TOP1MT: variants seen among roughly 807,000 people sequenced by gnomAD.
TOP1MT encodes DNA topoisomerase I, mitochondrial.
Under a neutral mutation model 73.9 loss-of-function variants are expected in TOP1MT, and 80 were observed. The observed-to-expected ratio is 1.08, with a 90% CI of 0.90 to 1.30. The LOEUF (loss-of-function observed/expected upper bound fraction) is 1.30. Ranked by LOEUF, TOP1MT falls within the 50% of genes most tolerant of loss-of-function variation. The pLI, the probability that TOP1MT is intolerant of heterozygous loss-of-function variation, is 0.00. For synonymous variants in TOP1MT, 338 were observed against 326.4 expected, an observed-to-expected ratio of 1.04 and a Z score of -0.38; for missense variants, 815 against 808.0, an observed-to-expected ratio of 1.01 and a Z score of -0.10.
At chr8:143,322,661 C>CACAG (rs1816503565) in intron 7 of TOP1MT, among the ~76,000 whole-genome samples, 1 of 125,254 alleles carries the variant, frequency 8.0e-6, no homozygotes, top group Non-Finnish European at 1.6e-5. Context: ...ACACCACACA[C>CACAG]GCACGCCACA....
upstream of TOP1MT, among the ~76,000 whole-genome samples, chr8:143,347,435 A>G (rs2450746): frequency 0.079 from 12,097 of 152,206 alleles, 1,628 homozygotes; most frequent in African/African-American, 0.27. Context: ...GATTACAGGC[A>G]TGAGCCACCG....
intron 12 of TOP1MT, chr8:143,310,642 T>C (rs111651620): frequency 1.2e-3 from 192 of 158,112 alleles, no homozygotes; most frequent in African/African-American, 4.4e-3. Context: ...CTTTCCACAT[T>C]ACTTGCACCC....
chr8:143,317,996 G>A, intron 9 of TOP1MT, 22 bp downstream of exon 9: 1 of 1,614,008 alleles, frequency 6.2e-7, no homozygotes, highest in Non-Finnish European at 8.5e-7. Context: ...GCCCACTGCT[G>A]AGGAAACACG....
intron 7 of TOP1MT, among the ~76,000 whole-genome samples, chr8:143,322,969 ACACGCACG>A (rs1163618480): frequency 1.0e-4 from 8 of 77,274 alleles, no homozygotes; most frequent in African/African-American, 3.4e-4. Flanking sequence ...CGCACGCCAC[ACACGCACG>A]CACGCCACAC....
At chr8:143,333,712 C>T (rs1816919248) in intron 1 of TOP1MT, 1 of 152,448 alleles carries the variant, frequency 6.6e-6, no homozygotes, top group Non-Finnish European at 1.5e-5. Context: ...CACAAGCTGG[C>T]TTTCAAAGCC....
upstream of TOP1MT, chr8:143,359,397 C>A: frequency 2.0e-6 from 2 of 985,390 alleles, no homozygotes; most frequent in East Asian, 1.1e-4. Flanking sequence ...GCATCCAAAG[C>A]CGTCACTCTG....
intron 8 of TOP1MT, among the ~76,000 whole-genome samples, chr8:143,318,976 G>C (rs1257494755): frequency 1.3e-5 from 2 of 152,206 alleles, no homozygotes; most frequent in Non-Finnish European, 2.9e-5. Context: ...CCCCTGGACA[G>C]CACTGCAAAT....
At chr8:143,342,326 C>CACTCTGTCACCCAGGCTGGAGTGCAGTG (rs1285098293) in intron 2 of TOP1MT, among the ~76,000 whole-genome samples, 4 of 129,690 alleles carry the variant, frequency 3.1e-5, no homozygotes, top group Non-Finnish European at 6.0e-5. Context: ...GACAGAGTCT[C>CACTCTGTCACCCAGGCTGGAGTGCAGTG]GCTGTTATTA....
chr8:143,316,091 T>C lies in TOP1MT; in HGVS notation c.1366A>G (p.Asn456Asp). 1 of 1,614,134 alleles carries C rather than the reference T, an allele frequency of 6.2e-7. No homozygotes were observed. The highest frequency in any genetic ancestry group is 1.1e-5 in the South Asian group (1 of 91,088). ...DSIAAKILSYNRANRVVAILC... is the reference protein window; with the variant it reads ...DSIAAKILSYDRANRVVAILC... ...ATGGCCACGACTCGGTTGGCTCGGT[T>C]GTAGGATAAGATCTTAGCTGCTATG... The change falls in exon 11 of 14, where the codon AAC becomes GAC. Residue 456 changes from asparagine to aspartate, a missense_variant. This residue lies in a region of TOP1MT where 751 missense variants were observed against 725.4 expected (regional missense o/e 1.04). Transcript: ENST00000329245.
intron 1 of TOP1MT, chr8:143,332,372 A>T (rs747896619): frequency 6.5e-5 from 50 of 767,724 alleles, no homozygotes; most frequent in Non-Finnish European, 9.0e-5. Context: ...CCTCAGTGGG[A>T]GAGGCTTTGG....
chr8:143,316,812 A>T (rs1033950257), intron 10 of TOP1MT, among the ~76,000 whole-genome samples: 2 of 152,200 alleles, frequency 1.3e-5, no homozygotes, highest in Non-Finnish European at 2.9e-5. Flanking sequence ...CCAGCTCTGG[A>T]AGCACGTCCA....
At chr8:143,339,105 C>G (rs1586777890), upstream of TOP1MT, among the ~76,000 whole-genome samples, 1 of 152,322 alleles carries the variant, frequency 6.6e-6, no homozygotes, top group East Asian at 1.9e-4. Context: ...CAAGGCTATG[C>G]AGGGACTGCC....
chr8:143,318,952 C>T (rs1816252564), intron 8 of TOP1MT, among the ~76,000 whole-genome samples: 1 of 152,222 alleles, frequency 6.6e-6, no homozygotes, highest in Non-Finnish European at 1.5e-5. Flanking sequence ...ACATGCATTC[C>T]GTTACCGAGT....
rs1281858366 is a variant in TOP1MT, at chr8:143,344,010, G to A, written c.-38-724C>T. 6.6e-6 allele frequency: 1 copy of A among 152,376 alleles called. No homozygotes were observed. Among genetic ancestry groups the A allele is most frequent in the African/African-American group, 2.4e-5 (1 of 41,466 alleles). The allele number at this position is 152,376 out of a possible 1,614,324, so 9.4% of individuals were successfully genotyped here. A position where few individuals can be genotyped will look rare whatever the true frequency, so the allele number is the denominator to read the frequency against. On this transcript the variant is annotated intron_variant, in intron 1 of 5. Coordinates refer to the TOP1MT transcript ENST00000518007. The surrounding 1 kb of genome is among the most constrained non-coding windows in gnomAD (Gnocchi z 4.6). ...ACGCGTCTTGCAAGGAAAAACCTGTGAGATTTCTGAAAATCATGTTAGAGC... is the reference window on the plus strand; with the variant it reads ...ACGCGTCTTGCAAGGAAAAACCTGTAAGATTTCTGAAAATCATGTTAGAGC...
In TOP1MT at chr8:143,316,106, T is replaced by C; in HGVS notation, c.1351A>G (p.Lys451Glu). The C allele has an allele frequency of 6.2e-7, 1 of 1,614,142 alleles. No homozygotes were observed. Among genetic ancestry groups the C allele is most frequent in the African/African-American group, 1.3e-5 (1 of 75,048 alleles). ...LTRAEDSIAAKILSYNRANRV... is the reference protein window; with the variant it reads ...LTRAEDSIAAEILSYNRANRV... Reference sequence around the variant, plus strand: ...TTGGCTCGGTTGTAGGATAAGATCTTAGCTGCTATGCTGTCCTCGGCTGAG... The same window carrying C: ...TTGGCTCGGTTGTAGGATAAGATCTCAGCTGCTATGCTGTCCTCGGCTGAG... The change falls in exon 11 of 14, where the codon AAG (lysine) becomes GAG (glutamate). Residue 451 changes from lysine (K) to glutamate (E), a missense_variant. By Grantham distance (56) the Lys-to-Glu change is moderately conservative. Around this residue, in one of 3 missense-constraint regions of TOP1MT, gnomAD observed 751 missense variants for 725.4 expected, o/e 1.04. Coordinates refer to ENST00000329245, the MANE Select transcript of TOP1MT (RefSeq NM_052963.3).
chr8:143,359,537 A>T, upstream of TOP1MT: 7 of 482,598 alleles, frequency 1.5e-5, no homozygotes, highest in South Asian at 9.5e-5. Context: ...AGCGATGAGG[A>T]GGGGTGGGGC....
chr8:143,314,437 T>G (rs1299666616), intron 12 of TOP1MT, among the ~76,000 whole-genome samples: 1 of 151,644 alleles, frequency 6.6e-6, no homozygotes, highest in East Asian at 1.9e-4. Context: ...TTCTACTAAA[T>G]AAATAAATGA....
At chr8:143,318,483 T>C (rs913796761) in intron 8 of TOP1MT, among the ~76,000 whole-genome samples, 1 of 152,002 alleles carries the variant, frequency 6.6e-6, no homozygotes, top group African/African-American at 2.4e-5. Flanking sequence ...GTGTCCAACC[T>C]CCCTCCACCA....
intron 12 of TOP1MT, chr8:143,310,459 G>T: frequency 2.5e-6 from 1 of 392,334 alleles, no homozygotes; most frequent in Non-Finnish European, 4.5e-6. Context: ...GTCAGGACCT[G>T]ACTCGCAGGA....
Sources: allele counts gnomAD v4.1 joint callset (sites outside exome capture counted in the v4.1 genomes callset), GRCh38; gene constraint gnomAD v4.1.1; regional missense constraint gnomAD v4.1.1; non-coding constraint Gnocchi (gnomAD v3.1); transcripts MANE v1.5; gene names NCBI Gene and HGNC (gene_info 2026-07-23, HGNC 2026-07-21).